The following NRP1 variants were observed in gnomAD, a reference collection of about 807,000 sequenced individuals.
The protein encoded by NRP1 is neuropilin 1.
NRP1 carries 35 observed loss-of-function variants against 106.7 expected under a neutral mutation model. That is an observed-to-expected ratio of 0.33 (90% CI 0.25 to 0.43). The LOEUF (loss-of-function observed/expected upper bound fraction) is 0.43. NRP1 is among the 20% of genes least tolerant of loss of function. The pLI, the probability that NRP1 is intolerant of heterozygous loss-of-function variation, is 1.00. For synonymous variants in NRP1, 437 were observed against 417.9 expected, an observed-to-expected ratio of 1.05 and a Z score of -0.56; for missense variants, 1,024 against 1,170.4, an observed-to-expected ratio of 0.87 and a Z score of 1.83.
rs192383804 is a variant in NRP1 at position 33,268,999 on chromosome 10, C to T, written c.430+1676G>A. Among the ~76,000 whole-genome samples the T allele has an allele frequency of 3.7e-3, 557 of 152,282 alleles. 2 individuals are homozygous for T. The highest frequency in any genetic ancestry group is 0.011 in the African/African-American group (451 of 41,550). On this transcript the variant is annotated intron_variant, in intron 3 of 16. Coordinates refer to ENST00000374867, the MANE Select transcript of NRP1 (RefSeq NM_003873.7). ...ACGTTTCCTGGATCCCCAACAACTC[C>T]CCTTTACATTTTTCTCAGTTATCAT...
intron 8 of NRP1, among the ~76,000 whole-genome samples, chr10:33,215,763 T>C (rs921110715): frequency 6.6e-6 from 1 of 152,222 alleles, no homozygotes; most frequent in African/African-American, 2.4e-5. Flanking sequence ...AGTTCTATGG[T>C]CCAGATCATG....
chr10:33,299,004 A>G (rs920419019), intron 2 of NRP1, among the ~76,000 whole-genome samples: 6 of 152,166 alleles, frequency 3.9e-5, no homozygotes, highest in African/African-American at 1.2e-4. Flanking sequence ...ACTTTGCTGC[A>G]TAAGCTTGGT....
chr10:33,198,267 G>A (rs10827210), intron 11 of NRP1, among the ~76,000 whole-genome samples: 1 of 150,740 alleles, frequency 6.6e-6, no homozygotes, highest in Non-Finnish European at 1.5e-5. Flanking sequence ...TCAGACTCCC[G>A]AGTAGCTGGG....
chr10:33,310,246 G>A (rs1846493094), intron 2 of NRP1, among the ~76,000 whole-genome samples: 1 of 107,632 alleles, frequency 9.3e-6, no homozygotes, highest in Non-Finnish European at 1.9e-5. Flanking sequence ...ACTGCGCCCG[G>A]CCTTTTTTTT....
chr10:33,317,486 C>T (rs899658997), intron 2 of NRP1, among the ~76,000 whole-genome samples: 9 of 152,192 alleles, frequency 5.9e-5, no homozygotes, highest in African/African-American at 1.9e-4. Flanking sequence ...AGCTGCCTTT[C>T]GCTATGGATT....
At chr10:33,240,982 T>A (rs1015932766) in intron 6 of NRP1, among the ~76,000 whole-genome samples, 1 of 152,224 alleles carries the variant, frequency 6.6e-6, no homozygotes, top group African/African-American at 2.4e-5. Context: ...AGCCAGGAGC[T>A]GTATATGCTG....
At chr10:33,249,351 G>C (rs1452051854) in intron 6 of NRP1, 1 of 427,984 alleles carries the variant, frequency 2.3e-6, no homozygotes, top group Non-Finnish European at 4.6e-6. Context: ...GAAATGAAAA[G>C]GAAAAACTGA....
chr10:33,309,231 T>C (rs1219819029), intron 2 of NRP1, among the ~76,000 whole-genome samples: 1 of 152,232 alleles, frequency 6.6e-6, no homozygotes. Context: ...GTACTACAGA[T>C]GGCCACTACT....
At chr10:33,333,087 C>T (rs1848400808) in intron 1 of NRP1, among the ~76,000 whole-genome samples, 1 of 152,044 alleles carries the variant, frequency 6.6e-6, no homozygotes, top group Admixed American at 6.6e-5. Context: ...TCATTCCCTG[C>T]CAGAGTATAG....
At position 33,199,832 on chromosome 10, in the gene NRP1, G is replaced by A. The variant is rs535407436; in HGVS notation, c.1865-2123C>T. Among the ~76,000 whole-genome samples the A allele has an allele frequency of 5.9e-5, 9 of 152,244 alleles. No individual in the cohort carries two copies. In the South Asian group the frequency reaches 8.3e-4, roughly 14 times the overall value. Reference sequence around the variant, plus strand: ...ATATCATTCAGTAAAGATTTGTGACGATCTTTATTTGGGACAGGCCTATCT... The same window carrying A: ...ATATCATTCAGTAAAGATTTGTGACAATCTTTATTTGGGACAGGCCTATCT... On this transcript the variant is annotated intron_variant, in intron 11 of 16. Transcript: ENST00000374867.
chr10:33,270,846 C>T lies in NRP1; in HGVS notation c.259G>A (p.Val87Met), dbSNP rs753783818. 57 of 1,609,732 alleles carry T rather than the reference C, an allele frequency of 3.5e-5. No homozygotes were observed. In the East Asian group the frequency reaches 8.7e-4, roughly 25 times the overall value. ...LEDRDCKYDY[V>M]EVFDGENENG... ...TCATTTTCTCCATCGAAGACTTCCACGTAGTCATACCTAATACACAAACAT... is the reference window on the plus strand; with the variant it reads ...TCATTTTCTCCATCGAAGACTTCCATGTAGTCATACCTAATACACAAACAT... Residue 87 changes from valine (V) to methionine (M), a missense_variant, in exon 3 of 17, where the codon GTG becomes ATG. Val to Met is a conservative substitution (Grantham distance 21, BLOSUM62 1). Around this residue, in one of 5 missense-constraint regions of NRP1, gnomAD observed 279 missense variants for 327.4 expected, o/e 0.85. Transcript: ENST00000374867.
intron 2 of NRP1, among the ~76,000 whole-genome samples, chr10:33,304,693 G>A (rs1469109280): frequency 6.6e-6 from 1 of 152,144 alleles, no homozygotes; most frequent in Non-Finnish European, 1.5e-5. Context: ...CACATGGTTG[G>A]CATTCAACAG....
At chr10:33,315,635 T>G (rs1846974334) in intron 2 of NRP1, among the ~76,000 whole-genome samples, 2 of 152,346 alleles carry the variant, frequency 1.3e-5, no homozygotes, top group African/African-American at 4.8e-5. Flanking sequence ...TGGAATAATA[T>G]TAATGATTAC....
intron 6 of NRP1, among the ~76,000 whole-genome samples, chr10:33,240,688 A>G (rs1247556494): frequency 6.6e-6 from 1 of 152,152 alleles, no homozygotes; most frequent in African/African-American, 2.4e-5. Context: ...GAGAACTTGG[A>G]AGTGCAGGTG....
At chr10:33,279,333 G>T (rs1334419842) in intron 2 of NRP1, among the ~76,000 whole-genome samples, 1 of 152,126 alleles carries the variant, frequency 6.6e-6, no homozygotes, top group Admixed American at 6.6e-5. Context: ...TCCGAAGCTG[G>T]GGATCCTCCT....
At position 33,216,140 on chromosome 10, in the gene NRP1, C is replaced by CTTTCT. The variant is rs558750190; in HGVS notation, c.1283-2424_1283-2423insAGAAA. Among the ~76,000 whole-genome samples, 444 of 139,038 alleles carry CTTTCT rather than the reference C, an allele frequency of 3.2e-3. 3 individuals are homozygous for CTTTCT. The highest frequency in any genetic ancestry group is 0.011 in the African/African-American group (413 of 37,898). The allele number at this position is 139,038 out of a possible 152,430, so 91.2% of individuals were successfully genotyped here. ...CTGCATTTCCCTTCTTTCTTTCTTTCTTTTTTTTTTTTTTTGAGAAGGAGT... is the reference window on the plus strand; with the variant it reads ...CTGCATTTCCCTTCTTTCTTTCTTTCTTTCTTTTTTTTTTTTTTTTGAGAAGGAGT... On this transcript the variant is annotated intron_variant, in intron 8 of 16. Coordinates refer to ENST00000374867, the MANE Select transcript of NRP1 (RefSeq NM_003873.7).
chr10:33,322,743 G>A (rs1233584670), intron 2 of NRP1, among the ~76,000 whole-genome samples: 6 of 152,162 alleles, frequency 3.9e-5, no homozygotes, highest in Non-Finnish European at 8.8e-5. Context: ...GTTTTCACAA[G>A]TGCTTATTTA....
intron 2 of NRP1, among the ~76,000 whole-genome samples, chr10:33,293,237 G>A (rs1351898578): frequency 1.3e-5 from 2 of 152,186 alleles, no homozygotes; most frequent in African/African-American, 4.8e-5. Flanking sequence ...CCAGACAGGA[G>A]CTTTTTTCCC....
intron 2 of NRP1, among the ~76,000 whole-genome samples, chr10:33,306,964 C>CT (rs1385764952): frequency 1.3e-5 from 2 of 152,226 alleles, no homozygotes; most frequent in Non-Finnish European, 2.9e-5. Context: ...CAGGGCAGAG[C>CT]TACAGCTGCC....
Sources: allele counts gnomAD v4.1 joint callset (sites outside exome capture counted in the v4.1 genomes callset), GRCh38; gene constraint gnomAD v4.1.1; regional missense constraint gnomAD v4.1.1; transcripts MANE v1.5; gene names NCBI Gene and HGNC (gene_info 2026-07-23, HGNC 2026-07-21).